The following TXNRD1 variants were observed in gnomAD, a reference collection of about 807,000 sequenced individuals.
TXNRD1 encodes thioredoxin reductase 1, also known as thioredoxin reductase 1, cytoplasmic.
TXNRD1 carries 57 observed loss-of-function variants against 80.3 expected under a neutral mutation model. The ratio of observed to expected loss-of-function variants is 0.71; its 90% confidence interval spans 0.57 to 0.89. TXNRD1 has a LOEUF of 0.89. TXNRD1 is among the 40% of genes least tolerant of loss of function. The probability of loss-of-function intolerance (pLI) is 0.00; values close to 1 mark genes in which losing one functional copy is unlikely to be tolerated. For synonymous variants in TXNRD1, 291 were observed against 285.2 expected (o/e 1.02, Z -0.20); for missense variants, 730 against 803.0 (o/e 0.91, Z 1.10).
intron 1 of TXNRD1, among the ~76,000 whole-genome samples, chr12:104,231,229 C>T (rs1313093147): frequency 1.3e-5 from 2 of 152,262 alleles, no homozygotes; most frequent in East Asian, 3.9e-4. Context: ...GTCACCCTAA[C>T]TGCTGTTAGG....
At chr12:104,285,532 T>C (rs1223751103) in intron 3 of TXNRD1, among the ~76,000 whole-genome samples, 1 of 152,244 alleles carries the variant, frequency 6.6e-6, no homozygotes, top group Non-Finnish European at 1.5e-5. Context: ...GAGCTGTCTA[T>C]ACAAGATGCT....
At chr12:104,277,831 T>C (rs2033786903) in intron 3 of TXNRD1, among the ~76,000 whole-genome samples, 1 of 152,086 alleles carries the variant, frequency 6.6e-6, no homozygotes, top group African/African-American at 2.4e-5. Flanking sequence ...CAGTTGGATT[T>C]ATATACCAGC....
rs1010855192 is a variant in TXNRD1 at position 104,291,564 on chromosome 12, A to G, written c.414+2524A>G. Among the ~76,000 whole-genome samples, 9 of 145,968 alleles carry G rather than the reference A, an allele frequency of 6.2e-5. No homozygotes were observed. The South Asian group carries it at 8.7e-4, about 14-fold the overall frequency. Reference sequence around the variant, plus strand: ...AGTGGCGCGATCTTGGCTCACTGCAACCTCTGCCCCTCGGGTTCAAGTGAT... The same window carrying G: ...AGTGGCGCGATCTTGGCTCACTGCAGCCTCTGCCCCTCGGGTTCAAGTGAT... On this transcript the variant is annotated intron_variant, in intron 4 of 16. Coordinates refer to ENST00000525566, the MANE Select transcript of TXNRD1 (RefSeq NM_001093771.3).
intron 1 of TXNRD1, among the ~76,000 whole-genome samples, chr12:104,226,098 G>A (rs2032467100): frequency 6.6e-6 from 1 of 152,128 alleles, no homozygotes; most frequent in African/African-American, 2.4e-5. Context: ...TACTTGGGAG[G>A]CTGAGGCAGG....
chr12:104,296,462 C>T (rs1056626697), intron 4 of TXNRD1, among the ~76,000 whole-genome samples: 11 of 152,264 alleles, frequency 7.2e-5, no homozygotes, highest in African/African-American at 1.4e-4. Flanking sequence ...GGCTGGAGTG[C>T]GGTGGCACTA....
intron 3 of TXNRD1, chr12:104,276,599 T>C (rs1225213172): frequency 1.3e-5 from 2 of 152,216 alleles, no homozygotes; most frequent in African/African-American, 2.4e-5. Context: ...TCCACTTCAC[T>C]AACAGTCAAA....
chr12:104,321,837 G>A (rs937968180), intron 10 of TXNRD1, among the ~76,000 whole-genome samples: 2 of 152,136 alleles, frequency 1.3e-5, no homozygotes, highest in Non-Finnish European at 2.9e-5. Flanking sequence ...CTAATACTAT[G>A]CCAAGTCACA....
chr12:104,327,946 G>T (rs911068442), intron 13 of TXNRD1, among the ~76,000 whole-genome samples: 1 of 151,610 alleles, frequency 6.6e-6, no homozygotes, highest in African/African-American at 2.4e-5. Flanking sequence ...AGATCACCAG[G>T]TCAGGAGTTC....
At chr12:104,310,126 T>C in intron 4 of TXNRD1, 8 of 1,475,758 alleles carry the variant, frequency 5.4e-6, no homozygotes, top group Non-Finnish European at 7.1e-6. Flanking sequence ...TTTTTTGTTA[T>C]TAAAGTTAAG....
At chr12:104,279,249 A>G (rs2135733417) in intron 3 of TXNRD1, among the ~76,000 whole-genome samples, 1 of 152,354 alleles carries the variant, frequency 6.6e-6, no homozygotes, top group Admixed American at 6.5e-5. Context: ...GGAGGTGGAC[A>G]TTGATCAAAT....
intron 3 of TXNRD1, among the ~76,000 whole-genome samples, chr12:104,272,299 A>G (rs957918940): frequency 6.6e-6 from 1 of 152,108 alleles, no homozygotes; most frequent in Non-Finnish European, 1.5e-5. Context: ...GCAAAGGCTA[A>G]ACATTCCAAT....
intron 10 of TXNRD1, among the ~76,000 whole-genome samples, chr12:104,324,844 T>G (rs1239001657): frequency 6.6e-6 from 1 of 152,212 alleles, no homozygotes; most frequent in African/African-American, 2.4e-5. Context: ...CTCCGATTTT[T>G]AAGACTTTGT....
At chr12:104,312,720 A>G (rs2035183167) in intron 5 of TXNRD1, among the ~76,000 whole-genome samples, 1 of 152,248 alleles carries the variant, frequency 6.6e-6, no homozygotes, top group Non-Finnish European at 1.5e-5. Flanking sequence ...CAACTTTTTC[A>G]TGAGCGCCTC....
intron 1 of TXNRD1, among the ~76,000 whole-genome samples, chr12:104,224,352 T>G (rs1208895625): frequency 1.3e-5 from 2 of 152,148 alleles, no homozygotes; most frequent in African/African-American, 4.8e-5. Flanking sequence ...AGCATTCTAT[T>G]AGACTGGGCT....
At chr12:104,271,121 G>A (rs1030583831) in intron 3 of TXNRD1, among the ~76,000 whole-genome samples, 2 of 151,990 alleles carry the variant, frequency 1.3e-5, no homozygotes, top group Non-Finnish European at 1.5e-5. Flanking sequence ...TCACCTGGGT[G>A]CAGGCAGGCT....
chr12:104,241,834 G>C (rs1389884124), intron 1 of TXNRD1, among the ~76,000 whole-genome samples: 1 of 151,734 alleles, frequency 6.6e-6, no homozygotes, highest in Non-Finnish European at 1.5e-5. Context: ...ACCATGCTCA[G>C]TGAAAAGTCT....
chr12:104,295,955 ATGT>A (rs1455972934), intron 4 of TXNRD1, among the ~76,000 whole-genome samples: 5 of 152,248 alleles, frequency 3.3e-5, no homozygotes, highest in African/African-American at 1.2e-4. Context: ...TAGACTCTAA[ATGT>A]TGTTAATACT....
intron 3 of TXNRD1, among the ~76,000 whole-genome samples, chr12:104,276,200 G>C (rs2033753969): frequency 6.6e-6 from 1 of 152,146 alleles, no homozygotes; most frequent in South Asian, 2.1e-4. Flanking sequence ...AGAAAGGTGG[G>C]GTCCCCTAAG....
intron 2 of TXNRD1, among the ~76,000 whole-genome samples, chr12:104,253,300 T>G (rs2033170813): frequency 6.6e-6 from 1 of 152,166 alleles, no homozygotes. Context: ...TCTGCATCGA[T>G]GCCACCTTAG....
Sources: allele counts gnomAD v4.1 joint callset (sites outside exome capture counted in the v4.1 genomes callset), GRCh38; gene constraint gnomAD v4.1.1; transcripts MANE v1.5; gene names NCBI Gene and HGNC (gene_info 2026-07-23, HGNC 2026-07-21).